GAB1: variants seen among roughly 807,000 people sequenced by gnomAD.
GAB1 encodes GRB2 associated binding protein 1.
A neutral mutation model predicts 66.5 loss-of-function variants in GAB1; 19 were observed. The ratio of observed to expected loss-of-function variants is 0.29; its 90% CI spans 0.20 to 0.42. GAB1 has a LOEUF of 0.42. Ranked by LOEUF, GAB1 falls within the 10% of genes least tolerant of loss-of-function variation. The pLI, the probability that GAB1 is intolerant of heterozygous loss-of-function variation, is 1.00. For synonymous variants in GAB1, 294 were observed against 301.4 expected (o/e 0.98, Z 0.25); for missense variants, 732 against 858.5 (o/e 0.85, Z 1.84).
At chr4:143,367,095 A>G (rs772288276) in intron 1 of GAB1, among the ~76,000 whole-genome samples, 9 of 152,192 alleles carry the variant, frequency 5.9e-5, no homozygotes, top group Non-Finnish European at 1.2e-4. Context: ...GATTCTAACC[A>G]TGAGACAGGG....
intron 6 of GAB1, among the ~76,000 whole-genome samples, chr4:143,440,641 C>T (rs555527372): frequency 1.9e-4 from 29 of 152,108 alleles, no homozygotes; most frequent in Non-Finnish European, 2.9e-4. Context: ...ACGGGGTGAG[C>T]GGACAACTGG....
In GAB1 at chr4:143,460,390, G is replaced by C; in HGVS notation, c.1706G>C (p.Arg569Pro). ...RDSSRFPMSP[R>P]PDSVHSTTSS... ...TCTTCCAGGTTTCCCATGTCCCCCC[G>C]ACCAGATTCAGTGCATAGCACAACT... Residue 569 changes from arginine to proline, a missense_variant, in exon 8 of 10, where the codon CGA becomes CCA. Physicochemically the swap from Arg to Pro is moderately radical, Grantham distance 103 (BLOSUM62 -2). Coordinates refer to ENST00000262994, the MANE Select transcript of GAB1 (RefSeq NM_002039.4). The C allele has an allele frequency of 6.2e-7, 1 of 1,613,476 alleles. No homozygotes were observed. Among genetic ancestry groups the C allele is most frequent in the Non-Finnish European group, 8.5e-7 (1 of 1,179,664 alleles).
chr4:143,404,145 CA>C (rs1731920742), intron 1 of GAB1, among the ~76,000 whole-genome samples: 2 of 152,226 alleles, frequency 1.3e-5, no homozygotes, highest in South Asian at 2.1e-4. Context: ...GCTGGAAATT[CA>C]AAACAGTAGT....
At chr4:143,395,591 G>A (rs1731406327) in intron 1 of GAB1, 2 of 251,952 alleles carry the variant, frequency 7.9e-6, no homozygotes, top group South Asian at 8.0e-5. Context: ...ATTGTTAGAT[G>A]CAAATAACTC....
chr4:143,427,313 C>A (rs567604257), intron 2 of GAB1, among the ~76,000 whole-genome samples: 2 of 152,264 alleles, frequency 1.3e-5, no homozygotes, highest in South Asian at 4.2e-4. Flanking sequence ...GCAGTCAGAT[C>A]CCCCTCAGAG....
intron 1 of GAB1, chr4:143,394,741 A>T (rs1215333752): frequency 6.6e-6 from 1 of 152,122 alleles, no homozygotes; most frequent in Admixed American, 6.6e-5. Context: ...TACAAAATGT[A>T]GACGATGGTT....
chr4:143,359,724 C>G (rs1358091123), intron 1 of GAB1, among the ~76,000 whole-genome samples: 3 of 152,182 alleles, frequency 2.0e-5, no homozygotes, highest in Non-Finnish European at 4.4e-5. Flanking sequence ...ATGTCAAAGT[C>G]TTTCCTAGAG....
At chr4:143,401,993 A>G (rs1731800505) in intron 1 of GAB1, among the ~76,000 whole-genome samples, 1 of 152,150 alleles carries the variant, frequency 6.6e-6, no homozygotes, top group Non-Finnish European at 1.5e-5. Flanking sequence ...CCACCACAGT[A>G]CTTTAAGAGG....
rs5862632 is a variant in GAB1, at chr4:143,342,543, CTTTTTTTT to C, written c.72+5303_72+5310del. The stretch of plus-strand genomic sequence containing the variant: ...GAGAAAGTTTCAGAGGTGATAGATT[CTTTTTTTT>C]TTTTTTTTTTTTTTTTTTTGAGATG... On this transcript the variant is annotated intron_variant, in intron 1 of 9. Transcript: ENST00000262994. Among the ~76,000 whole-genome samples the C allele has an allele frequency of 9.1e-3, 569 of 62,468 alleles. 2 individuals carry two copies. The highest frequency in any genetic ancestry group is 0.033 in the African/African-American group (532 of 15,948). The allele number at this position is 62,468 out of a possible 152,430, so 41.0% of individuals were successfully genotyped here. A position where few individuals can be genotyped will look rare whatever the true frequency, so the allele number is the denominator to read the frequency against.
Position 143,438,240 on chromosome 4 carries a change from G to C in GAB1, c.835G>C (p.Glu279Gln). The C allele has an allele frequency of 3.7e-6, 6 of 1,614,074 alleles. No homozygotes were observed. Among genetic ancestry groups the C allele is most frequent in the Non-Finnish European group, 5.1e-6 (6 of 1,180,018 alleles). Residue 279 changes from glutamate to glutamine, a missense_variant, in exon 4 of 10, where the codon GAA becomes CAA. Physicochemically the swap from Glu to Gln is conservative, Grantham distance 29. Around this residue, in one of 4 missense-constraint regions of GAB1, gnomAD observed 427 missense variants for 420.6 expected, o/e 1.02. Transcript: ENST00000262994. ...VLPKVSPSST[E>Q]ADGELYVFNT... is the part of the protein sequence containing the mutation. ...ACCAAAGGTGTCTCCATCAAGTACT[G>C]AAGCAGATGGAGAACTCTATGTTTT... is the stretch of plus-strand genomic sequence containing the variant.
rs1212775500 is a variant in GAB1, at chr4:143,448,651, T to A, written c.1585+8269T>A. ...TCGGTGGTGATATCCCCTTTATCAT[T>A]TTTATTGCATCTATTTGATTCTTCT... On this transcript the variant is annotated intron_variant, in intron 6 of 9. Coordinates refer to ENST00000262994, the MANE Select transcript of GAB1 (RefSeq NM_002039.4). Among the ~76,000 whole-genome samples the A allele has an allele frequency of 2.6e-5, 4 of 151,464 alleles. No individual in the cohort carries two copies. In the South Asian group the frequency reaches 8.3e-4, roughly 31 times the overall value.
intron 1 of GAB1, among the ~76,000 whole-genome samples, chr4:143,403,938 G>C (rs190346131): frequency 8.1e-4 from 124 of 152,198 alleles, no homozygotes; most frequent in African/African-American, 2.9e-3. Context: ...GCGTTATTTT[G>C]GCTTTTTACA....
intron 9 of GAB1, 116 bp downstream of exon 9, chr4:143,466,341 G>C: frequency 1.0e-6 from 1 of 971,324 alleles, no homozygotes; most frequent in Non-Finnish European, 1.5e-6. Context: ...AATTTAGTCT[G>C]GTCTGCTACT....
In GAB1 at chr4:143,337,129, T is replaced by A. The variant is rs1728677249; in HGVS notation, c.-60T>A. The A allele has an allele frequency of 6.8e-7, 1 of 1,461,218 alleles. No individual in the cohort carries two copies. The allele number at this position is 1,461,218 out of a possible 1,614,324, so 90.5% of individuals were successfully genotyped here. ...CTGCGCGCTCGGCAGGCGTCGGCTG[T>A]GTCGGGAGCGCGCCCGCCGCCCCTC... On this transcript the variant is annotated 5_prime_UTR_variant, in exon 1 of 10. Transcript: ENST00000262994.
At chr4:143,459,590 G>GCC in intron 7 of GAB1, 112 bp downstream of exon 7, 1 of 728,816 alleles carries the variant, frequency 1.4e-6, no homozygotes, top group East Asian at 2.6e-5. Context: ...GATCTGAAGA[G>GCC]CCCCCTTTTT....
rs1474330941 is a variant in GAB1 at position 143,469,528 on chromosome 4, T to C, written c.*339T>C. The C allele has an allele frequency of 5.3e-6, 1 of 187,632 alleles. No homozygotes were observed. Among genetic ancestry groups the C allele is most frequent in the African/African-American group, 2.3e-5 (1 of 43,262 alleles). 11.6% of individuals were successfully genotyped at this position (187,632 alleles called of 1,614,324 possible). On this transcript the variant is annotated 3_prime_UTR_variant, in exon 10 of 10. Coordinates refer to ENST00000262994, the MANE Select transcript of GAB1 (RefSeq NM_002039.4). ...CCCAATGTACCTTACCATAATTCCT[T>C]TGGGAGTTCTTGTTTTTTGTCACAC...
intron 1 of GAB1, among the ~76,000 whole-genome samples, chr4:143,390,113 G>A (rs1440176311): frequency 6.6e-6 from 1 of 152,162 alleles, no homozygotes; most frequent in Non-Finnish European, 1.5e-5. Context: ...GTGCTGGTTC[G>A]AGGTACAGAT....
intron 2 of GAB1, among the ~76,000 whole-genome samples, chr4:143,416,605 C>A (rs1350450638): frequency 6.6e-6 from 1 of 152,034 alleles, no homozygotes; most frequent in Non-Finnish European, 1.5e-5. Context: ...GAAATTCCAT[C>A]TCTACTAAAA....
rs199678918 is a variant in GAB1, at chr4:143,437,986, A to G, written c.594-13A>G. On this transcript the variant is annotated splice_polypyrimidine_tract_variant and intron_variant, in intron 3 of 9. Transcript: ENST00000262994. Reference sequence around the variant, plus strand: ...CCACCTTGTTTATTCTGTCATTAACAATTTTTATTTAGAACGCATGCTGAT... The same window carrying G: ...CCACCTTGTTTATTCTGTCATTAACGATTTTTATTTAGAACGCATGCTGAT... 42 of 1,599,378 alleles carry G rather than the reference A, an allele frequency of 2.6e-5. No individual in the cohort carries two copies. In the East Asian group the frequency reaches 9.4e-4, roughly 36 times the overall value.
Sources: gnomAD v4.1 joint callset for allele counts (sites outside exome capture counted in the v4.1 genomes callset) on GRCh38, gnomAD v4.1.1 for gene constraint, gnomAD v4.1.1 regional missense constraint, MANE v1.5 for transcripts, NCBI Gene and HGNC (gene_info 2026-07-23, HGNC 2026-07-21) for gene names.